CEMIP: variants seen among roughly 807,000 people sequenced by gnomAD.
CEMIP encodes cell migration inducing hyaluronidase 1.
In CEMIP, 105 loss-of-function variants were observed where a neutral mutation model predicts 156.9. The observed-to-expected ratio is 0.67, with a 90% confidence interval of 0.57 to 0.79. The LOEUF is 0.79. Ranked by LOEUF, CEMIP falls within the 30% of genes least tolerant of loss-of-function variation. The pLI, the probability that CEMIP is intolerant of heterozygous loss-of-function variation, is 0.00. For synonymous variants in CEMIP, 676 were observed against 668.4 expected, an observed-to-expected ratio of 1.01 and a Z score of -0.17; for missense variants, 1,457 against 1,769.4, an observed-to-expected ratio of 0.82 and a Z score of 3.17.
At position 80,950,752 on chromosome 15, in the gene CEMIP, C is replaced by T. The variant is rs1901782237; in HGVS notation, c.*1828C>T. On this transcript the variant is annotated 3_prime_UTR_variant, in exon 30 of 30. Transcript: ENST00000394685. ...CTCCCTGGCCCACCTTATAGAGAGC[C>T]CAAAGAGCTCCTGTAAGAGGGAGAA... is the stretch of plus-strand genomic sequence containing the variant. 6.5e-6 allele frequency: 1 copy of T among 152,734 alleles called. No homozygotes were observed. The highest frequency in any genetic ancestry group is 2.1e-4 in the South Asian group (1 of 4,830). The allele number at this position is 152,734 out of a possible 1,614,324, so 9.5% of individuals were successfully genotyped here.
At chr15:80,939,888 C>G (rs1231693425) in intron 25 of CEMIP, among the ~76,000 whole-genome samples, 1 of 152,176 alleles carries the variant, frequency 6.6e-6, no homozygotes, top group East Asian at 1.9e-4. Flanking sequence ...TACTTAACAA[C>G]CAGCTTGCTA....
At chr15:80,929,903 T>G (rs1900842160) in intron 21 of CEMIP, among the ~76,000 whole-genome samples, 1 of 152,208 alleles carries the variant, frequency 6.6e-6, no homozygotes, top group East Asian at 1.9e-4. Flanking sequence ...GGAAGGGTGA[T>G]GAGCAAACAG....
At chr15:80,845,928 G>T (rs976238323) in intron 1 of CEMIP, among the ~76,000 whole-genome samples, 1 of 152,182 alleles carries the variant, frequency 6.6e-6, no homozygotes, top group African/African-American at 2.4e-5. Flanking sequence ...AGATCTAGGA[G>T]ACTCCTCCTG....
chr15:80,928,869 ATGCTCTGACTATC>A lies in CEMIP; in HGVS notation c.2421-31_2421-19del. 1.9e-6 allele frequency: 3 copies of A among 1,612,960 alleles called. No individual in the cohort carries two copies. Among genetic ancestry groups the A allele is most frequent in the Non-Finnish European group, 1.7e-6 (2 of 1,179,996 alleles). ...ACTCCACTGAATGTGAAGCCAGGGC[ATGCTCTGACTATC>A]TATCTGCTCTTGCCCACAGGTTTGC... On this transcript the variant is annotated intron_variant, in intron 19 of 29. Transcript: ENST00000394685.
chr15:80,883,361 G>C (rs1712657931), intron 6 of CEMIP, among the ~76,000 whole-genome samples: 1 of 152,140 alleles, frequency 6.6e-6, no homozygotes, highest in Admixed American at 6.5e-5. Flanking sequence ...TCAATTTGGA[G>C]ATTATTAGTT....
At chr15:80,808,855 A>G (rs1461411189) in intron 1 of CEMIP, among the ~76,000 whole-genome samples, 1 of 152,174 alleles carries the variant, frequency 6.6e-6, no homozygotes, top group Non-Finnish European at 1.5e-5. Flanking sequence ...AACAGAAAAA[A>G]TTAGAAAGTA....
chr15:80,890,665 T>C (rs1208804839), intron 10 of CEMIP, among the ~76,000 whole-genome samples: 1 of 151,652 alleles, frequency 6.6e-6, no homozygotes, highest in African/African-American at 2.4e-5. Context: ...CCAATAAAAA[T>C]AGCTACCCCA....
chr15:80,936,932 A>G (rs1262349490), intron 24 of CEMIP, 47 bp downstream of exon 24: 2 of 1,575,820 alleles, frequency 1.3e-6, no homozygotes, highest in Non-Finnish European at 1.7e-6. Flanking sequence ...GCTGATAACG[A>G]TGCCTTGTTG....
intron 1 of CEMIP, among the ~76,000 whole-genome samples, chr15:80,868,789 C>T (rs11629743): frequency 6.6e-6 from 1 of 151,896 alleles, no homozygotes; most frequent in Admixed American, 6.6e-5. Context: ...ATAGTAAATT[C>T]GTCAATATAT....
intron 1 of CEMIP, among the ~76,000 whole-genome samples, chr15:80,835,422 G>A (rs1010867252): frequency 3.9e-5 from 6 of 152,248 alleles, no homozygotes; most frequent in Non-Finnish European, 5.9e-5. Context: ...CAGGGTAGGA[G>A]CTCAATCAGT....
intron 23 of CEMIP, among the ~76,000 whole-genome samples, chr15:80,935,513 A>G (rs1198778571): frequency 1.3e-5 from 2 of 152,204 alleles, no homozygotes; most frequent in African/African-American, 4.8e-5. Context: ...GCTTTAATGT[A>G]CGCTTTACCT....
intron 1 of CEMIP, among the ~76,000 whole-genome samples, chr15:80,865,369 A>ACGGAGTTT (rs1898097312): frequency 6.6e-6 from 1 of 151,886 alleles, no homozygotes; most frequent in Non-Finnish European, 1.5e-5. Context: ...TTTAGTAGAG[A>ACGGAGTTT]CGGAGTTTCA....
chr15:80,844,399 G>A (rs1320427561), intron 1 of CEMIP, among the ~76,000 whole-genome samples: 5 of 152,344 alleles, frequency 3.3e-5, no homozygotes, highest in Admixed American at 2.0e-4. Context: ...ATGCCAGGAT[G>A]AGGGGGCAGG....
chr15:80,834,091 A>C (rs949973475), intron 1 of CEMIP, among the ~76,000 whole-genome samples: 7 of 151,934 alleles, frequency 4.6e-5, no homozygotes, highest in African/African-American at 1.5e-4. Flanking sequence ...TAGCACCCCC[A>C]CCTCCCAGTT....
Position 80,881,065 on chromosome 15 carries a change from G to GT in CEMIP, c.546_547insT (p.Ser183Ter). On this transcript the variant is annotated frameshift_variant, in exon 6 of 30. Transcript: ENST00000394685. LOFTEE classifies it high-confidence loss of function. ...CAGAAGGAGGCTATTTTTTTGAAAG[G>GT]AGCTGGGGCCACCGTGGAGTTATTG... 1.2e-6 allele frequency: 2 copies of GT among 1,614,194 alleles called. No homozygotes were observed. Among genetic ancestry groups the GT allele is most frequent in the Non-Finnish European group, 1.7e-6 (2 of 1,180,032 alleles).
intron 1 of CEMIP, among the ~76,000 whole-genome samples, chr15:80,869,493 G>T (rs1360346784): frequency 6.6e-6 from 1 of 152,152 alleles, no homozygotes; most frequent in African/African-American, 2.4e-5. Context: ...GAGTCATTAG[G>T]CTCAAATAAA....
At chr15:80,921,892 T>C (rs1900486348) in intron 16 of CEMIP, 117 bp from the exon 17 acceptor site, 2 of 1,355,958 alleles carry the variant, frequency 1.5e-6, no homozygotes, top group Admixed American at 1.7e-5. Context: ...CGAGGGCTCC[T>C]GTGGGTGACG....
At chr15:80,779,739 TTGTC>T (rs1209816296) in intron 1 of CEMIP, 125 bp downstream of exon 1, 5 of 152,398 alleles carry the variant, frequency 3.3e-5, no homozygotes, top group Admixed American at 3.3e-4. Context: ...CAGTTTCTGT[TTGTC>T]TGTCCACCCT....
intron 3 of CEMIP, among the ~76,000 whole-genome samples, chr15:80,876,975 A>G (rs1898498907): frequency 1.3e-5 from 2 of 152,224 alleles, no homozygotes; most frequent in East Asian, 1.9e-4. Flanking sequence ...ACAGTTCCAC[A>G]TGACTGGGGA....
Sources: allele counts gnomAD v4.1 joint callset (sites outside exome capture counted in the v4.1 genomes callset), GRCh38; gene constraint gnomAD v4.1.1; transcripts MANE v1.5; gene names NCBI Gene and HGNC (gene_info 2026-07-23, HGNC 2026-07-21).